Variants in RABGAP1L observed in about 807,000 individuals in gnomAD.
RABGAP1L encodes RAB GTPase activating protein 1 like.
A neutral mutation model predicts 137.7 loss-of-function variants in RABGAP1L; 63 were observed. The observed-to-expected ratio is 0.46, with a 90% CI of 0.37 to 0.56. The LOEUF is 0.56. Ranked by LOEUF, RABGAP1L falls within the 20% of genes least tolerant of loss-of-function variation. RABGAP1L has a pLI of 0.00. For synonymous variants in RABGAP1L, 431 were observed against 433.7 expected (o/e 0.99, Z 0.08); for missense variants, 1,095 against 1,244.0 (o/e 0.88, Z 1.80).
At chr1:174,619,859 G>A (rs138078211) in intron 13 of RABGAP1L, among the ~76,000 whole-genome samples, 2,169 of 152,274 alleles carry the variant, frequency 0.014, 32 homozygotes, top group South Asian at 0.032. Context: ...TGGATAAAGA[G>A]TCAGGACCCA....
chr1:174,888,684 G>A (rs181732859), intron 19 of RABGAP1L, among the ~76,000 whole-genome samples: 1 of 151,998 alleles, frequency 6.6e-6, no homozygotes, highest in Non-Finnish European at 1.5e-5. Flanking sequence ...TTTTAGTAGA[G>A]ATGAGGTTTC....
intron 24 of RABGAP1L, among the ~76,000 whole-genome samples, chr1:174,986,832 T>C (rs1671631023): frequency 6.6e-6 from 1 of 152,226 alleles, no homozygotes; most frequent in Non-Finnish European, 1.5e-5. Context: ...TCTTAAGTGA[T>C]CAATCTATTT....
In RABGAP1L at chr1:174,278,715, A is replaced by G; in HGVS notation, c.1259A>G (p.Asn420Ser). 1 of 1,591,206 alleles carries G rather than the reference A, an allele frequency of 6.3e-7. No individual in the cohort carries two copies. Among genetic ancestry groups the G allele is most frequent in the Non-Finnish European group, 8.5e-7 (1 of 1,173,346 alleles). Residue 420 changes from asparagine (N) to serine (S), a missense_variant, in exon 10 of 26, where the codon AAT (asparagine) becomes AGT (serine). This residue lies in a region of RABGAP1L where 315 missense variants were observed against 324.8 expected (regional missense o/e 0.97). Transcript: ENST00000681986. The part of the protein sequence containing the change: ...LETVVRVYPA[N>S]ERFWYFSRKT... ...ACAGTAGTCCGTGTGTACCCTGCAA[A>G]TGAGCGATTTTGGTATTTCAGCAGA... is the stretch of plus-strand genomic sequence containing the variant.
intron 18 of RABGAP1L, among the ~76,000 whole-genome samples, chr1:174,790,065 C>G (rs1160741014): frequency 6.6e-6 from 1 of 151,640 alleles, no homozygotes; most frequent in African/African-American, 2.4e-5. Flanking sequence ...AAAAAATTAG[C>G]TGGCTGTGGT....
intron 19 of RABGAP1L, among the ~76,000 whole-genome samples, chr1:174,840,852 G>T (rs189426517): frequency 1.3e-5 from 2 of 150,278 alleles, no homozygotes; most frequent in Non-Finnish European, 3.0e-5. Flanking sequence ...AAGAAGAAGG[G>T]TAATAGACTC....
Position 174,655,504 on chromosome 1 carries a change from A to G in RABGAP1L, c.1824+18016A>G, listed in dbSNP as rs577850357. On this transcript the variant is annotated intron_variant, in intron 14 of 25. Coordinates refer to ENST00000681986, the MANE Select transcript of RABGAP1L (RefSeq NM_001366446.1). Reference sequence around the variant, plus strand: ...TGTTCTTATTTCTTCCACTCAGGTAATATGTATGCAGTTTCATTTTTTCCC... The same window carrying G: ...TGTTCTTATTTCTTCCACTCAGGTAGTATGTATGCAGTTTCATTTTTTCCC... Among the ~76,000 whole-genome samples, 10 of 152,262 alleles carry G rather than the reference A, an allele frequency of 6.6e-5. No individual in the cohort carries two copies. In the South Asian group the frequency reaches 8.3e-4, roughly 13 times the overall value.
chr1:174,670,366 C>G (rs1296573805), intron 14 of RABGAP1L, among the ~76,000 whole-genome samples: 1 of 152,056 alleles, frequency 6.6e-6, no homozygotes, highest in Non-Finnish European at 1.5e-5. Flanking sequence ...TATTCATGCT[C>G]AGAAGCATTT....
At chr1:174,553,139 A>G (rs1162636423) in intron 13 of RABGAP1L, among the ~76,000 whole-genome samples, 2 of 152,288 alleles carry the variant, frequency 1.3e-5, no homozygotes, top group South Asian at 2.1e-4. Context: ...CGTTTGTCAG[A>G]TGCATAGTTT....
chr1:174,322,970 T>G (rs1485639727), intron 11 of RABGAP1L, among the ~76,000 whole-genome samples: 1 of 152,114 alleles, frequency 6.6e-6, no homozygotes, highest in African/African-American at 2.4e-5. Flanking sequence ...CATCCAAAAA[T>G]GCCATTTTTT....
intron 13 of RABGAP1L, among the ~76,000 whole-genome samples, chr1:174,614,165 C>G (rs1367104876): frequency 2.0e-5 from 3 of 152,168 alleles, no homozygotes; most frequent in African/African-American, 7.2e-5. Context: ...ATGGTCTTTA[C>G]AATTTGGCAT....
At chr1:174,246,998 T>C (rs1459241016) in intron 5 of RABGAP1L, among the ~76,000 whole-genome samples, 1 of 152,238 alleles carries the variant, frequency 6.6e-6, no homozygotes, top group Non-Finnish European at 1.5e-5. Flanking sequence ...GTCGTGTTCT[T>C]TCTCCAAAAG....
chr1:174,335,021 TAAC>T (rs1216793259), intron 11 of RABGAP1L, among the ~76,000 whole-genome samples: 2 of 152,194 alleles, frequency 1.3e-5, no homozygotes, highest in African/African-American at 4.8e-5. Context: ...CTTCTATTCT[TAAC>T]AGTTTTTCAC....
At chr1:174,489,631 A>G (rs1572027981) in intron 13 of RABGAP1L, among the ~76,000 whole-genome samples, 1 of 152,160 alleles carries the variant, frequency 6.6e-6, no homozygotes, top group South Asian at 2.1e-4. Context: ...CGATTCCTCA[A>G]GGATCTAGAA....
intron 13 of RABGAP1L, among the ~76,000 whole-genome samples, chr1:174,500,181 G>A (rs1661130806): frequency 6.6e-6 from 1 of 151,664 alleles, no homozygotes; most frequent in Admixed American, 6.6e-5. Context: ...CCGGGTTCAA[G>A]CGATTCTCCT....
intron 20 of RABGAP1L, 195 bp downstream of exon 20, chr1:174,957,744 T>C (rs1224266661): frequency 1.1e-6 from 1 of 881,748 alleles, no homozygotes; most frequent in East Asian, 2.7e-5. Flanking sequence ...TTTTTTTTTT[T>C]TTCTTAAAGC....
At chr1:174,368,187 C>G (rs1241255796) in intron 11 of RABGAP1L, 1 of 152,218 alleles carries the variant, frequency 6.6e-6, no homozygotes. Flanking sequence ...TATCCCATTC[C>G]TTTAAATTAC....
At chr1:174,663,455 C>G (rs1181705079) in intron 14 of RABGAP1L, among the ~76,000 whole-genome samples, 1 of 152,148 alleles carries the variant, frequency 6.6e-6, no homozygotes, top group Non-Finnish European at 1.5e-5. Flanking sequence ...ATATAGCCTA[C>G]ATGTGTAATA....
At chr1:174,685,532 C>T (rs373887497) in intron 15 of RABGAP1L, among the ~76,000 whole-genome samples, 4 of 148,642 alleles carry the variant, frequency 2.7e-5, no homozygotes, top group African/African-American at 7.6e-5. Context: ...GGATTACAGG[C>T]GTGAGCCACC....
chr1:174,588,925 C>T (rs1215863388), intron 13 of RABGAP1L, among the ~76,000 whole-genome samples: 1 of 152,180 alleles, frequency 6.6e-6, no homozygotes, highest in African/African-American at 2.4e-5. Flanking sequence ...GTGCAGATAT[C>T]TCTTCAACAT....
Sources: gnomAD v4.1 joint callset for allele counts (sites outside exome capture counted in the v4.1 genomes callset) on GRCh38, gnomAD v4.1.1 for gene constraint, gnomAD v4.1.1 regional missense constraint, MANE v1.5 for transcripts, NCBI Gene and HGNC (gene_info 2026-07-23, HGNC 2026-07-21) for gene names.